SNX13: variants seen among roughly 807,000 people sequenced by gnomAD.
The protein encoded by SNX13 is sorting nexin-13.
In SNX13, 45 loss-of-function variants were observed where a neutral mutation model predicts 133.6. The observed-to-expected ratio is 0.34, with a 90% CI of 0.27 to 0.43. The LOEUF is 0.43. SNX13 is among the 20% of genes least tolerant of loss of function. SNX13 has a pLI of 1.00. For missense variants in SNX13, 1,032 were observed against 1,145.1 expected, an observed-to-expected ratio of 0.90 and a Z score of 1.43; for synonymous variants, 414 against 373.9, an observed-to-expected ratio of 1.11 and a Z score of -1.24.
intron 9 of SNX13, among the ~76,000 whole-genome samples, chr7:17,861,420 G>A (rs1792679096): frequency 6.6e-6 from 1 of 151,508 alleles, no homozygotes; most frequent in Non-Finnish European, 1.5e-5. Context: ...GCCCACACCA[G>A]GAAGAGGCAA....
intron 9 of SNX13, among the ~76,000 whole-genome samples, chr7:17,867,150 G>T (rs561360647): frequency 5.9e-5 from 9 of 152,196 alleles, no homozygotes; most frequent in African/African-American, 2.2e-4. Context: ...TATTTTCAAA[G>T]CTTTTATAGT....
intron 1 of SNX13, among the ~76,000 whole-genome samples, chr7:17,921,246 G>A (rs1800094282): frequency 6.6e-6 from 1 of 152,200 alleles, no homozygotes; most frequent in South Asian, 2.1e-4. Context: ...ACTGCTGGAT[G>A]TGTTCTCTAG....
intron 9 of SNX13, among the ~76,000 whole-genome samples, chr7:17,857,575 G>A (rs58703432): frequency 6.6e-6 from 1 of 152,268 alleles, no homozygotes; most frequent in East Asian, 1.9e-4. Flanking sequence ...CCAGAGGTCA[G>A]GAGTTCAAGA....
chr7:17,897,101 C>T, intron 2 of SNX13, among the ~76,000 whole-genome samples: 1 of 152,044 alleles, frequency 6.6e-6, no homozygotes, highest in East Asian at 1.9e-4. Flanking sequence ...AAAAAAAGTT[C>T]ATACCTTTGG....
intron 1 of SNX13, among the ~76,000 whole-genome samples, chr7:17,909,939 A>G (rs139174779): frequency 1.1e-3 from 162 of 152,344 alleles, no homozygotes; most frequent in Non-Finnish European, 1.6e-3. Flanking sequence ...CTACAAATCC[A>G]TTGATCAAAT....
chr7:17,830,936 A>C (rs1788417732), intron 15 of SNX13: 23 of 984,258 alleles, frequency 2.3e-5, no homozygotes, highest in Non-Finnish European at 2.5e-5. Context: ...ATTTACTCTA[A>C]ATGCTCAAGA....
At chr7:17,858,487 C>G (rs1296357111) in intron 9 of SNX13, among the ~76,000 whole-genome samples, 1 of 151,794 alleles carries the variant, frequency 6.6e-6, no homozygotes, top group Non-Finnish European at 1.5e-5. Flanking sequence ...CTGAGAGAAA[C>G]TACAGAGGCT....
At position 17,834,199 on chromosome 7, in the gene SNX13, T is replaced by C; in HGVS notation, c.1465-15A>G. 1.3e-6 allele frequency: 2 copies of C among 1,541,146 alleles called. No homozygotes were observed. Among genetic ancestry groups the C allele is most frequent in the South Asian group, 2.5e-5 (2 of 80,722 alleles). ...AATTCATATACCTTGGTGAAATAAA[T>C]CAAGATATTCAACAATTAATACAGG... On this transcript the variant is annotated splice_polypyrimidine_tract_variant and intron_variant, in intron 14 of 25. Transcript: ENST00000428135.
chr7:17,799,711 AT>A (rs1784416987), intron 22 of SNX13, among the ~76,000 whole-genome samples: 1 of 151,702 alleles, frequency 6.6e-6, no homozygotes, highest in African/African-American at 2.4e-5. Context: ...AATTACTAGA[AT>A]TTTCTTTTAG....
At chr7:17,836,487 C>A (rs1240546230) in intron 13 of SNX13, among the ~76,000 whole-genome samples, 1 of 152,048 alleles carries the variant, frequency 6.6e-6, no homozygotes, top group Non-Finnish European at 1.5e-5. Flanking sequence ...AACTTTACGA[C>A]AGAGTGAGAC....
intron 1 of SNX13, among the ~76,000 whole-genome samples, chr7:17,912,809 G>A (rs560409697): frequency 2.6e-5 from 4 of 152,288 alleles, no homozygotes; most frequent in East Asian, 1.9e-4. Context: ...TCAGGCCAGA[G>A]ACTGAAGCAC....
chr7:17,886,724 C>T (rs1796036346), intron 5 of SNX13, among the ~76,000 whole-genome samples: 1 of 152,136 alleles, frequency 6.6e-6, no homozygotes, highest in African/African-American at 2.4e-5. Context: ...ACTACACTAT[C>T]CTTATCTTCT....
intron 1 of SNX13, among the ~76,000 whole-genome samples, chr7:17,929,840 G>A (rs1801190331): frequency 1.3e-5 from 2 of 152,124 alleles, no homozygotes. Context: ...CCGAAATTCA[G>A]TCTAAATCTC....
At position 17,799,144 on chromosome 7, in the gene SNX13, T is replaced by C. The variant is rs1784363961; in HGVS notation, c.2309A>G (p.Asn770Ser). 5 of 1,604,592 alleles carry C rather than the reference T, an allele frequency of 3.1e-6. No individual in the cohort carries two copies. Among genetic ancestry groups the C allele is most frequent in the Non-Finnish European group, 4.3e-6 (5 of 1,175,792 alleles). ...AAGCAGCATTACCCTAAGTGGAATA[T>C]TGTCATCCACCTGACAAAATATAAG... is the stretch of plus-strand genomic sequence containing the variant. ...SAQLDDNVDD[N>S]IPLRVMLLLM... The change falls in exon 23 of 26, where the codon AAT (asparagine) becomes AGT (serine). Residue 770 changes from asparagine (N) to serine (S), a missense_variant. Physicochemically the swap from Asn to Ser is conservative, Grantham distance 46 (BLOSUM62 1). Coordinates refer to ENST00000428135, the MANE Select transcript of SNX13 (RefSeq NM_015132.5).
chr7:17,900,447 G>A (rs1797697833), intron 1 of SNX13, among the ~76,000 whole-genome samples: 1 of 152,202 alleles, frequency 6.6e-6, no homozygotes, highest in Admixed American at 6.5e-5. Flanking sequence ...GCTTCTGGAA[G>A]CCAGGGTCTG....
chr7:17,873,150 G>A (rs1794310401), intron 8 of SNX13, among the ~76,000 whole-genome samples: 1 of 152,180 alleles, frequency 6.6e-6, no homozygotes, highest in South Asian at 2.1e-4. Flanking sequence ...ATTAGTGGGA[G>A]GTTTCCATGA....
chr7:17,806,805 G>C (rs1328396674), intron 20 of SNX13, among the ~76,000 whole-genome samples: 2 of 152,200 alleles, frequency 1.3e-5, no homozygotes, highest in African/African-American at 4.8e-5. Context: ...GTCCACAGAG[G>C]GCGAGCTGAA....
chr7:17,832,077 A>T, intron 15 of SNX13: 1 of 982,786 alleles, frequency 1.0e-6, no homozygotes, highest in Non-Finnish European at 1.2e-6. Context: ...ATACATAAGT[A>T]TATAATCTCA....
At chr7:17,909,782 T>G (rs1798774113) in intron 1 of SNX13, among the ~76,000 whole-genome samples, 1 of 152,148 alleles carries the variant, frequency 6.6e-6, no homozygotes, top group Non-Finnish European at 1.5e-5. Flanking sequence ...AATACCCAGG[T>G]GATGGGATGA....
Sources: gnomAD v4.1 joint callset for allele counts (sites outside exome capture counted in the v4.1 genomes callset) on GRCh38, gnomAD v4.1.1 for gene constraint, MANE v1.5 for transcripts, NCBI Gene and HGNC (gene_info 2026-07-23, HGNC 2026-07-21) for gene names.